PTPRN2: variants seen among roughly 807,000 people sequenced by gnomAD.
PTPRN2 encodes receptor-type tyrosine-protein phosphatase N2.
In PTPRN2, 74 loss-of-function variants were observed where a neutral mutation model predicts 118.8. The observed-to-expected ratio is 0.62, with a 90% CI of 0.52 to 0.76. The LOEUF is 0.76. PTPRN2 is among the 30% of genes least tolerant of loss of function. The pLI is 0.00. For synonymous variants in PTPRN2, 641 were observed against 608.0 expected (o/e 1.05, Z -0.80); for missense variants, 1,481 against 1,394.4 (o/e 1.06, Z -0.99).
chr7:158,558,548 G>A (rs1827191602), intron 1 of PTPRN2, among the ~76,000 whole-genome samples: 1 of 152,034 alleles, frequency 6.6e-6, no homozygotes, highest in African/African-American at 2.4e-5. Context: ...AGCGGAGGCA[G>A]GGTACCTCCA....
intron 2 of PTPRN2, among the ~76,000 whole-genome samples, chr7:158,336,317 CCAT>C (rs1805513424): frequency 6.9e-6 from 1 of 145,154 alleles, no homozygotes; most frequent in Admixed American, 6.8e-5. Context: ...CACACTCTCA[CCAT>C]AAGAGGTGAC....
At chr7:157,882,258 C>A (rs1250080834) in intron 12 of PTPRN2, among the ~76,000 whole-genome samples, 2 of 151,492 alleles carry the variant, frequency 1.3e-5, no homozygotes, top group Non-Finnish European at 2.9e-5. Flanking sequence ...ACAGAACACG[C>A]CACCCCAAAA....
rs1198579779 is a variant in PTPRN2, at chr7:157,611,875, G to A, written c.2345-7800C>T. Among the ~76,000 whole-genome samples the A allele has an allele frequency of 6.6e-6, 1 of 151,164 alleles. No homozygotes were observed. Among genetic ancestry groups the A allele is most frequent in the Non-Finnish European group, 1.5e-5 (1 of 67,730 alleles). On this transcript the variant is annotated intron_variant, in intron 15 of 22. Coordinates refer to ENST00000389418, the MANE Select transcript of PTPRN2 (RefSeq NM_002847.5). The surrounding 1 kb of genome is among the most constrained non-coding windows in gnomAD (Gnocchi z 5.9). ...GGAGGGAGAGCGCCCGTGTGAAGAC[G>A]AAGACAGCCGCAGTCATGCTGGGGA...
At chr7:158,376,928 CGCGGG>C (rs1810578413) in intron 2 of PTPRN2, among the ~76,000 whole-genome samples, 2 of 5,328 alleles carry the variant, frequency 3.8e-4, no homozygotes, top group African/African-American at 4.9e-4. Flanking sequence ...ACGTCCTGCA[CGCGGG>C]GTCAGGGGAC....
At chr7:157,717,667 C>T (rs1798994377) in intron 12 of PTPRN2, among the ~76,000 whole-genome samples, 1 of 152,282 alleles carries the variant, frequency 6.6e-6, no homozygotes, top group Non-Finnish European at 1.5e-5. Context: ...CCAACCCAGC[C>T]TCTTCACCAG....
chr7:157,577,159 T>G (rs144728955), intron 18 of PTPRN2, among the ~76,000 whole-genome samples: 64 of 152,340 alleles, frequency 4.2e-4, no homozygotes, highest in African/African-American at 1.3e-3. Context: ...CGACTACATG[T>G]TCTGCTCAGT....
chr7:158,338,313 C>G (rs1291633174), intron 2 of PTPRN2, among the ~76,000 whole-genome samples: 1 of 55,920 alleles, frequency 1.8e-5, no homozygotes, highest in Non-Finnish European at 3.4e-5. Flanking sequence ...CCCACACTGT[C>G]ACCATAAGAG....
At chr7:158,403,850 G>A (rs773049431) in intron 2 of PTPRN2, among the ~76,000 whole-genome samples, 55 of 149,264 alleles carry the variant, frequency 3.7e-4, no homozygotes, top group South Asian at 4.2e-4. Context: ...GGCTGGAAAG[G>A]GGGAAATGAA....
At position 158,529,365 on chromosome 7, in the gene PTPRN2, G is replaced by A. The variant is rs1825041004; in HGVS notation, c.113-39580C>T. ...ACACGCCCCAGAGCAAGCATTGGCT[G>A]TGTCGGCAGAGGAAGGTGGGAAGGC... On this transcript the variant is annotated intron_variant, in intron 1 of 22. Coordinates refer to ENST00000389418, the MANE Select transcript of PTPRN2 (RefSeq NM_002847.5). This position sits in a 1 kb window ranked among gnomAD's most constrained non-coding sequence, Gnocchi z 4.7. Among the ~76,000 whole-genome samples, 1 of 152,232 alleles carries A rather than the reference G, an allele frequency of 6.6e-6. No individual in the cohort carries two copies. Among genetic ancestry groups the A allele is most frequent in the Non-Finnish European group, 1.5e-5 (1 of 68,032 alleles).
rs148973362 is a variant in PTPRN2 at position 158,566,722 on chromosome 7, T to C, written c.112+20836A>G. Among the ~76,000 whole-genome samples the C allele has an allele frequency of 2.7e-3, 414 of 152,238 alleles. 3 individuals carry two copies. Among genetic ancestry groups the C allele is most frequent in the African/African-American group, 9.4e-3 (390 of 41,520 alleles). On this transcript the variant is annotated intron_variant, in intron 1 of 22. Transcript: ENST00000389418. ...GTGGGGTTTTTTTTGTTTTGTTTTG[T>C]TTTGTTTGTTTGAGACAGAGTCTCA... is the stretch of plus-strand genomic sequence containing the variant.
Position 157,764,914 on chromosome 7 carries a change from T to C in PTPRN2, c.1789-81977A>G, listed in dbSNP as rs1251660800. On this transcript the variant is annotated intron_variant, in intron 12 of 22. Coordinates refer to ENST00000389418, the MANE Select transcript of PTPRN2 (RefSeq NM_002847.5). The surrounding 1 kb of genome is among the most constrained non-coding windows in gnomAD (Gnocchi z 4.5). ...ACCCATCCATCTACCCATCCATCCA[T>C]CCATTGATCCATCCATATCCATCCA... Among the ~76,000 whole-genome samples the C allele has an allele frequency of 1.4e-5, 2 of 147,352 alleles. No homozygotes were observed. The highest frequency in any genetic ancestry group is 3.0e-5 in the Non-Finnish European group (2 of 66,794).
intron 11 of PTPRN2, among the ~76,000 whole-genome samples, chr7:158,064,404 G>A (rs1393510790): frequency 6.6e-6 from 1 of 152,152 alleles, no homozygotes; most frequent in African/African-American, 2.4e-5. Context: ...GGAGAGCATG[G>A]GAGGTGCATG....
chr7:157,846,192 A>G (rs960702612), intron 12 of PTPRN2, among the ~76,000 whole-genome samples: 1 of 152,082 alleles, frequency 6.6e-6, no homozygotes, highest in African/African-American at 2.4e-5. Context: ...ATATTCTAGG[A>G]AGAAAAGCGG....
chr7:157,805,558 G>A (rs924243985), intron 12 of PTPRN2, among the ~76,000 whole-genome samples: 1 of 152,144 alleles, frequency 6.6e-6, no homozygotes, highest in South Asian at 2.1e-4. Flanking sequence ...ACATGTATTC[G>A]ACGTAAACTC....
chr7:158,297,760 A>G (rs1363994259), intron 3 of PTPRN2, among the ~76,000 whole-genome samples: 1 of 152,124 alleles, frequency 6.6e-6, no homozygotes, highest in Non-Finnish European at 1.5e-5. Flanking sequence ...ACCTAACCAC[A>G]TACCCCAGTT....
intron 3 of PTPRN2, among the ~76,000 whole-genome samples, chr7:158,259,836 GTGTT>G (rs1435212452): frequency 2.0e-5 from 3 of 150,900 alleles, no homozygotes; most frequent in African/African-American, 4.9e-5. Context: ...ATATGTGAAT[GTGTT>G]TGTGTGTCCA....
chr7:158,331,531 A>C (rs1217648827), intron 2 of PTPRN2, among the ~76,000 whole-genome samples: 1 of 142,718 alleles, frequency 7.0e-6, no homozygotes, highest in Admixed American at 7.0e-5. Flanking sequence ...TCACACCCAC[A>C]CTGTCACCAT....
chr7:157,765,847 A>C, intron 12 of PTPRN2, among the ~76,000 whole-genome samples: 1 of 118,450 alleles, frequency 8.4e-6, no homozygotes, highest in African/African-American at 4.0e-5. Context: ...CCATCCACTC[A>C]TCCACTCATC....
At position 157,874,008 on chromosome 7, in the gene PTPRN2, C is replaced by T. The variant is rs1197995162; in HGVS notation, c.1788+24665G>A. 2.0e-5 allele frequency among the ~76,000 whole-genome samples: 3 copies of T among 152,214 alleles called. No individual in the cohort carries two copies. Among genetic ancestry groups the T allele is most frequent in the East Asian group, 1.9e-4 (1 of 5,184 alleles). ...AAAGTCCCAGGACCCTGAGCAGCCT[C>T]GGGAAGAGCTCTCGGGACCTCGGGG... On this transcript the variant is annotated intron_variant, in intron 12 of 22. Coordinates refer to ENST00000389418, the MANE Select transcript of PTPRN2 (RefSeq NM_002847.5). The surrounding 1 kb of genome is among the most constrained non-coding windows in gnomAD (Gnocchi z 5.8).
Sources: gnomAD v4.1 joint callset for allele counts (sites outside exome capture counted in the v4.1 genomes callset) on GRCh38, gnomAD v4.1.1 for gene constraint, Gnocchi (gnomAD v3.1) non-coding constraint, MANE v1.5 for transcripts, NCBI Gene and HGNC (gene_info 2026-07-23, HGNC 2026-07-21) for gene names.